The following TGM1 variants were observed in gnomAD, a reference collection of about 807,000 sequenced individuals.
TGM1 encodes transglutaminase 1.
A neutral mutation model predicts 88.7 loss-of-function variants in TGM1; 63 were observed. The ratio of observed to expected loss-of-function variants is 0.71; its 90% CI spans 0.58 to 0.88. TGM1 has a LOEUF of 0.88. Among genes scored for constraint, TGM1 ranks in the 40% least tolerant of loss-of-function variants. TGM1 has a pLI of 0.00. For missense variants in TGM1, 996 were observed against 1,118.0 expected, an observed-to-expected ratio of 0.89 and a Z score of 1.56; for synonymous variants, 415 against 431.1, an observed-to-expected ratio of 0.96 and a Z score of 0.46.
Position 24,255,640 on chromosome 14 carries a change from T to G in TGM1, c.1492-123A>C, listed in dbSNP as rs2040744619. On this transcript the variant is annotated intron_variant, in intron 10 of 14. Transcript: ENST00000206765. The surrounding 1 kb of genome is among the most constrained non-coding windows in gnomAD (Gnocchi z 4.0). ...AGGGCTTGGTCCCAAGGGTGGGAGC[T>G]TCCTGGCAGAGCCCAAGGGGAGACT... 1 of 1,336,716 alleles carries G rather than the reference T, an allele frequency of 7.5e-7. No individual in the cohort carries two copies. Among genetic ancestry groups the G allele is most frequent in the Non-Finnish European group, 1.0e-6 (1 of 956,126 alleles). The allele number at this position is 1,336,716 out of a possible 1,614,324, so 82.8% of individuals were successfully genotyped here. A position where few individuals can be genotyped will look rare whatever the true frequency, so the allele number is the denominator to read the frequency against.
rs779855523 is a variant in TGM1, at chr14:24,261,868, A to G, written c.335T>C (p.Val112Ala). 1.9e-6 allele frequency: 3 copies of G among 1,613,550 alleles called. No homozygotes were observed. Among genetic ancestry groups the G allele is most frequent in the African/African-American group, 1.3e-5 (1 of 74,904 alleles). ...DGTIREGMLV[V>A]NGVDLLSSRS... ...CGAGCTCAGCAAGTCCACACCGTTCACTACTAGCATGCCCTCTGCAAGGAC... is the reference window on the plus strand; with the variant it reads ...CGAGCTCAGCAAGTCCACACCGTTCGCTACTAGCATGCCCTCTGCAAGGAC... The change falls in exon 3 of 15, where the codon GTG becomes GCG. Residue 112 changes from valine (V) to alanine (A), a missense_variant. Val to Ala is a moderately conservative substitution (Grantham distance 64). Coordinates refer to ENST00000206765, the MANE Select transcript of TGM1 (RefSeq NM_000359.3).
chr14:24,260,826 C>A lies in TGM1; in HGVS notation c.509-128G>T, dbSNP rs954570344. 4 of 1,270,508 alleles carry A rather than the reference C, an allele frequency of 3.1e-6. No homozygotes were observed. The African/African-American group carries it at 5.9e-5, about 19-fold the overall frequency. The allele number at this position is 1,270,508 out of a possible 1,614,324, so 78.7% of individuals were successfully genotyped here. A position where few individuals can be genotyped will look rare whatever the true frequency, so the allele number is the denominator to read the frequency against. ...TGTATGTCCCTACGTTGGGCCATCA[C>A]CTTATTCTCTGACAGTCTCCCTTAG... On this transcript the variant is annotated intron_variant, in intron 3 of 14. Coordinates refer to ENST00000206765, the MANE Select transcript of TGM1 (RefSeq NM_000359.3).
Position 24,259,874 on chromosome 14 carries a change from T to A in TGM1, c.877-63A>T, listed in dbSNP as rs1450908522. On this transcript the variant is annotated intron_variant, in intron 5 of 14. Transcript: ENST00000206765. The surrounding 1 kb of genome is among the most constrained non-coding windows in gnomAD (Gnocchi z 5.7). ...ACCCTAGGCCAGCACCCTGCTCCAA[T>A]ACCCCAGCCCCCACACCCACCCCAG... 1.4e-5 allele frequency: 22 copies of A among 1,608,254 alleles called. No homozygotes were observed. Among genetic ancestry groups the A allele is most frequent in the Middle Eastern group, 1.7e-4 (1 of 6,016 alleles).
In TGM1 at chr14:24,254,136, G is replaced by A. The variant is rs1392064484; in HGVS notation, c.2225+16C>T. On this transcript the variant is annotated intron_variant, in intron 14 of 14. Transcript: ENST00000206765. ...GCCAGAGTGGAAGCAGGGGTAGGGGGAGAGGCCAGACTCACCCAACGTTGA... is the reference window on the plus strand; with the variant it reads ...GCCAGAGTGGAAGCAGGGGTAGGGGAAGAGGCCAGACTCACCCAACGTTGA... 6.2e-7 allele frequency: 1 copy of A among 1,605,932 alleles called. No individual in the cohort carries two copies.
chr14:24,252,624 C>G (rs1040957845), intron 14 of TGM1, among the ~76,000 whole-genome samples: 2 of 152,234 alleles, frequency 1.3e-5, no homozygotes, highest in Non-Finnish European at 1.5e-5. Flanking sequence ...TCATAGCATT[C>G]CCAGGGGCCC....
chr14:24,250,148 CTGTG>C (rs1158480309), intron 14 of TGM1, among the ~76,000 whole-genome samples: 71 of 143,060 alleles, frequency 5.0e-4, no homozygotes, highest in African/African-American at 1.5e-3. Flanking sequence ...CCTTATGTCT[CTGTG>C]TGTGTGTGTG....
At chr14:24,258,017 T>C (rs2040770394) in intron 9 of TGM1, among the ~76,000 whole-genome samples, 1 of 152,214 alleles carries the variant, frequency 6.6e-6, no homozygotes, top group South Asian at 2.1e-4. Context: ...TCTTCCAGCT[T>C]TTGAATTTTG....
At chr14:24,260,169 C>A in intron 4 of TGM1, 111 bp from the exon 5 acceptor site, 1 of 1,079,298 alleles carries the variant, frequency 9.3e-7, no homozygotes. Flanking sequence ...TGCGGGGATG[C>A]CCCTAGCCTG....
chr14:24,250,904 G>A (rs2040696006), intron 14 of TGM1, among the ~76,000 whole-genome samples: 1 of 152,144 alleles, frequency 6.6e-6, no homozygotes, highest in Non-Finnish European at 1.5e-5. Context: ...CATAGAACCT[G>A]TGCATTAACT....
At position 24,259,855 on chromosome 14, in the gene TGM1, G is replaced by T. The variant is rs1216854624; in HGVS notation, c.877-44C>A. The stretch of plus-strand genomic sequence containing the variant: ...GGCAGAGGTGACAGCCTGAACCCTA[G>T]GCCAGCACCCTGCTCCAATACCCCA... On this transcript the variant is annotated intron_variant, in intron 5 of 14. Transcript: ENST00000206765. This position sits in a 1 kb window ranked among gnomAD's most constrained non-coding sequence, Gnocchi z 5.7. 8 of 1,609,818 alleles carry T rather than the reference G, an allele frequency of 5.0e-6. No homozygotes were observed. The South Asian group carries it at 7.7e-5, about 15-fold the overall frequency.
intron 13 of TGM1, 38 bp downstream of exon 13, chr14:24,254,626 C>T (rs1209979052): frequency 1.2e-6 from 2 of 1,613,328 alleles, no homozygotes; most frequent in East Asian, 4.5e-5. Flanking sequence ...GGCCTTCACT[C>T]TCTGACCACC....
intron 2 of TGM1, 70 bp from the exon 3 acceptor site, chr14:24,261,953 C>A (rs2040814318): frequency 6.2e-7 from 1 of 1,604,164 alleles, no homozygotes; most frequent in East Asian, 2.2e-5. Context: ...AGCTTCCTAT[C>A]CCCCCCAGAA....
chr14:24,256,190 A>C, intron 9 of TGM1, 113 bp from the exon 10 acceptor site: 2 of 878,900 alleles, frequency 2.3e-6, no homozygotes, highest in South Asian at 2.8e-5. Context: ...GCCCGGTCCC[A>C]CTGCCTGGTG....
chr14:24,257,004 A>G (rs2040756801), intron 9 of TGM1, among the ~76,000 whole-genome samples: 2 of 152,326 alleles, frequency 1.3e-5, no homozygotes, highest in South Asian at 4.1e-4. Context: ...CCAAGAGCAT[A>G]CATCTGAGAA....
intron 7 of TGM1, 39 bp from the exon 8 acceptor site, chr14:24,258,712 G>A: frequency 6.2e-7 from 1 of 1,610,504 alleles, no homozygotes; most frequent in Non-Finnish European, 8.5e-7. Flanking sequence ...GGCATGGGTT[G>A]GGGGCAAGTG....
rs1001592485 is a variant in TGM1 at position 24,259,883 on chromosome 14, C to T, written c.876+57G>A. On this transcript the variant is annotated intron_variant, in intron 5 of 14. Coordinates refer to ENST00000206765, the MANE Select transcript of TGM1 (RefSeq NM_000359.3). This position sits in a 1 kb window ranked among gnomAD's most constrained non-coding sequence, Gnocchi z 5.7. ...CAGCACCCTGCTCCAATACCCCAGC[C>T]CCCACACCCACCCCAGCTCCTCTGG... 1 of 1,608,892 alleles carries T rather than the reference C, an allele frequency of 6.2e-7. No individual in the cohort carries two copies. The highest frequency in any genetic ancestry group is 8.5e-7 in the Non-Finnish European group (1 of 1,175,676).
intron 14 of TGM1, among the ~76,000 whole-genome samples, chr14:24,253,812 T>C (rs1161289930): frequency 6.6e-6 from 1 of 152,174 alleles, no homozygotes; most frequent in Non-Finnish European, 1.5e-5. Context: ...AGTTTTTGTG[T>C]CCAAAGGAGA....
At chr14:24,251,681 T>C (rs1386660486) in intron 14 of TGM1, among the ~76,000 whole-genome samples, 1 of 152,206 alleles carries the variant, frequency 6.6e-6, no homozygotes, top group East Asian at 1.9e-4. Context: ...GAAACATGTT[T>C]AAAACTCCTC....
chr14:24,260,196 A>C lies in TGM1; in HGVS notation c.758-138T>G. 3 of 961,502 alleles carry C rather than the reference A, an allele frequency of 3.1e-6. No homozygotes were observed. In the Admixed American group the frequency reaches 5.7e-5, roughly 18 times the overall value. The allele number at this position is 961,502 out of a possible 1,614,324, so 59.6% of individuals were successfully genotyped here. On this transcript the variant is annotated intron_variant, in intron 4 of 14. Transcript: ENST00000206765. ...CCTAGCCTGACAGGACTGCTGTGGG[A>C]GGACACGGGGAGCATGACAGATGGT...
Sources: allele counts gnomAD v4.1 joint callset (sites outside exome capture counted in the v4.1 genomes callset), GRCh38; gene constraint gnomAD v4.1.1; non-coding constraint Gnocchi (gnomAD v3.1); transcripts MANE v1.5; gene names NCBI Gene and HGNC (gene_info 2026-07-23, HGNC 2026-07-21).